Variants in SAMMSON observed in about 807,000 individuals in gnomAD.
SAMMSON encodes long intergenic non-protein coding RNA 1212.
At chr3:70,139,129 G>T (rs929696443) in intron 4 of SAMMSON, among the ~76,000 whole-genome samples, 1 of 152,134 alleles carries the variant, frequency 6.6e-6, no homozygotes, top group East Asian at 1.9e-4. Flanking sequence ...ATCTATACTG[G>T]ATATTAGAGA....
intron 1 of SAMMSON, among the ~76,000 whole-genome samples, chr3:70,010,767 G>C (rs1183573076): frequency 6.6e-6 from 1 of 152,068 alleles, no homozygotes; most frequent in Non-Finnish European, 1.5e-5. Context: ...CCGCATTGTC[G>C]GGGAGGCCTC....
chr3:70,400,355 G>T (rs1007274436), intron 2 of SAMMSON, among the ~76,000 whole-genome samples: 5 of 152,156 alleles, frequency 3.3e-5, no homozygotes, highest in Admixed American at 2.0e-4. Flanking sequence ...CCTCAAGGGT[G>T]AGTGAGTTCT....
downstream of SAMMSON, among the ~76,000 whole-genome samples, chr3:70,393,995 G>C (rs1701071096): frequency 6.6e-6 from 1 of 152,162 alleles, no homozygotes; most frequent in South Asian, 2.1e-4. Flanking sequence ...TGTCAGACAA[G>C]AGGCTCTTTC....
intron 7 of SAMMSON, among the ~76,000 whole-genome samples, chr3:70,298,007 A>G (rs1702306212): frequency 6.6e-6 from 1 of 152,130 alleles, no homozygotes; most frequent in South Asian, 2.1e-4. Context: ...AATTCTAAAT[A>G]TAACAAGGAA....
chr3:70,397,389 C>G (rs1030677599), intron 2 of SAMMSON, among the ~76,000 whole-genome samples: 2 of 152,154 alleles, frequency 1.3e-5, no homozygotes, highest in African/African-American at 4.8e-5. Context: ...ACTTCAACCT[C>G]TGGCTCCCAG....
chr3:70,371,744 T>C (rs1702972046), intron 9 of SAMMSON, among the ~76,000 whole-genome samples: 1 of 152,146 alleles, frequency 6.6e-6, no homozygotes, highest in Non-Finnish European at 1.5e-5. Flanking sequence ...TGGAGTCTTT[T>C]GGTTTTTCTA....
intron 4 of SAMMSON, chr3:70,196,995 A>G (rs1283103526): frequency 1.0e-5 from 4 of 398,478 alleles, no homozygotes; most frequent in South Asian, 1.3e-4. Flanking sequence ...GGCAAGATTC[A>G]AAAAGGCTGC....
chr3:70,384,091 A>T (rs1332190887), intron 9 of SAMMSON, among the ~76,000 whole-genome samples: 1 of 152,084 alleles, frequency 6.6e-6, no homozygotes, highest in East Asian at 1.9e-4. Flanking sequence ...AGGGCTAAAA[A>T]AAATTACCCA....
At chr3:70,178,817 T>C (rs1395256053) in intron 4 of SAMMSON, among the ~76,000 whole-genome samples, 2 of 152,106 alleles carry the variant, frequency 1.3e-5, no homozygotes, top group African/African-American at 4.8e-5. Context: ...GAGACCAGCT[T>C]GGGCAAAATG....
chr3:70,398,875 A>T (rs1701114148), intron 2 of SAMMSON, among the ~76,000 whole-genome samples: 2 of 152,242 alleles, frequency 1.3e-5, no homozygotes. Flanking sequence ...TGAGCATGTG[A>T]CAAAATGTGG....
intron 4 of SAMMSON, among the ~76,000 whole-genome samples, chr3:70,204,082 A>G (rs1701267896): frequency 6.6e-6 from 1 of 152,178 alleles, no homozygotes; most frequent in Non-Finnish European, 1.5e-5. Context: ...ACATTTTACA[A>G]AATCTGCATG....
At chr3:70,434,419 T>C in intron 2 of SAMMSON, among the ~76,000 whole-genome samples, 1 of 152,186 alleles carries the variant, frequency 6.6e-6, no homozygotes, top group East Asian at 1.9e-4. Context: ...AAATTCTATG[T>C]GTTCATTATT....
intron 2 of SAMMSON, among the ~76,000 whole-genome samples, chr3:70,430,158 T>G (rs1701402391): frequency 6.6e-6 from 1 of 152,184 alleles, no homozygotes; most frequent in African/African-American, 2.4e-5. Context: ...CCTAGTTTAT[T>G]GAGAGTTTTT....
chr3:70,209,111 C>G (rs565371019), intron 4 of SAMMSON, among the ~76,000 whole-genome samples: 1 of 152,062 alleles, frequency 6.6e-6, no homozygotes, highest in Non-Finnish European at 1.5e-5. Context: ...ACTTGGGTAT[C>G]AAGGCATCCA....
At chr3:70,312,835 A>G (rs1322554101) in intron 7 of SAMMSON, 1 of 152,138 alleles carries the variant, frequency 6.6e-6, no homozygotes, top group Non-Finnish European at 1.5e-5. Context: ...ATTCTGCAAA[A>G]TAGGAAAAAA....
intron 2 of SAMMSON, among the ~76,000 whole-genome samples, chr3:70,396,913 T>C (rs1458136450): frequency 6.6e-6 from 1 of 152,190 alleles, no homozygotes; most frequent in Non-Finnish European, 1.5e-5. Flanking sequence ...CTCAGAAAGA[T>C]AATCAAAGGA....
At chr3:70,260,421 A>C (rs950774161) in intron 6 of SAMMSON, among the ~76,000 whole-genome samples, 1 of 152,120 alleles carries the variant, frequency 6.6e-6, no homozygotes, top group Admixed American at 6.5e-5. Context: ...ATAAAGTCTC[A>C]TTATGAGGTA....
intron 3 of SAMMSON, among the ~76,000 whole-genome samples, chr3:70,032,060 G>T (rs1032465113): frequency 2.0e-5 from 3 of 152,058 alleles, no homozygotes; most frequent in Non-Finnish European, 2.9e-5. Flanking sequence ...ATGCAAACTG[G>T]CACACTCAAT....
chr3:70,245,137 T>C (rs1427047629), intron 4 of SAMMSON, among the ~76,000 whole-genome samples: 5 of 152,158 alleles, frequency 3.3e-5, no homozygotes, highest in Non-Finnish European at 7.4e-5. Context: ...CTATTTTAAA[T>C]CATTCATTTA....
Sources: allele counts gnomAD v4.1 joint callset (sites outside exome capture counted in the v4.1 genomes callset), GRCh38; gene constraint gnomAD v4.1.1; transcripts MANE v1.5; gene names NCBI Gene and HGNC (gene_info 2026-07-23, HGNC 2026-07-21).